HOMER1: variants seen among roughly 807,000 people sequenced by gnomAD.
The protein encoded by HOMER1 is homer protein homolog 1.
In HOMER1, 3 loss-of-function variants were observed where a neutral mutation model predicts 48.9. The observed-to-expected ratio is 0.06, with a 90% CI of 0.03 to 0.16. The LOEUF is 0.16. HOMER1 is among the 10% of genes least tolerant of loss of function. HOMER1 has a pLI of 1.00. For synonymous variants in HOMER1, 134 were observed against 146.4 expected (o/e 0.92, Z 0.61); for missense variants, 247 against 411.4 (o/e 0.60, Z 3.46).
chr5:79,392,954 G>GGAGAGAGAGA (rs3082001), intron 8 of HOMER1, among the ~76,000 whole-genome samples: 2,826 of 140,868 alleles, frequency 0.02, 41 homozygotes, highest in East Asian at 0.044. Context: ...GAAGGGAAAG[G>GGAGAGAGAGA]GAGAGAGAGA....
chr5:79,407,976 C>A (rs1217190501), intron 5 of HOMER1, among the ~76,000 whole-genome samples: 4 of 152,186 alleles, frequency 2.6e-5, no homozygotes, highest in Non-Finnish European at 4.4e-5. Flanking sequence ...AGACCACATT[C>A]ACATAACTTT....
At chr5:79,464,313 TC>T (rs202209202) in intron 1 of HOMER1, among the ~76,000 whole-genome samples, 2 of 152,046 alleles carry the variant, frequency 1.3e-5, no homozygotes, top group East Asian at 3.9e-4. Context: ...GACAAAAACA[TC>T]CCCCTTGATT....
chr5:79,386,428 TAG>T (rs956009320), intron 8 of HOMER1, among the ~76,000 whole-genome samples: 5 of 152,082 alleles, frequency 3.3e-5, no homozygotes, highest in African/African-American at 1.2e-4. Context: ...CTCATGGACA[TAG>T]AGTGTAGAAT....
chr5:79,478,750 G>A (rs1751861472), intron 1 of HOMER1, among the ~76,000 whole-genome samples: 1 of 152,080 alleles, frequency 6.6e-6, no homozygotes, highest in Non-Finnish European at 1.5e-5. Flanking sequence ...TCAGGAGTTC[G>A]AGACCAGCCT....
Position 79,374,852 on chromosome 5 carries a change from T to C in HOMER1, c.*1157A>G, listed in dbSNP as rs1023512713. On this transcript the variant is annotated 3_prime_UTR_variant, in exon 9 of 9. Coordinates refer to ENST00000334082, the MANE Select transcript of HOMER1 (RefSeq NM_004272.5). ...AATTTAATTCCTGTTTTGAAATACC[T>C]AGTTAACAATTCAGAATATTGCCTT... 3.3e-5 allele frequency: 5 copies of C among 152,206 alleles called. No individual in the cohort carries two copies. The highest frequency in any genetic ancestry group is 7.4e-5 in the Non-Finnish European group (5 of 67,936). 9.4% of individuals were successfully genotyped at this position (152,206 alleles called of 1,614,324 possible). A position where few individuals can be genotyped will look rare whatever the true frequency, so the allele number is the denominator to read the frequency against.
intron 1 of HOMER1, among the ~76,000 whole-genome samples, chr5:79,492,900 ACTTTGT>A (rs1489659697): frequency 2.1e-5 from 3 of 146,118 alleles, no homozygotes; most frequent in East Asian, 2.1e-4. Context: ...GAAAACGAAA[ACTTTGT>A]CTTTTTTTTT....
chr5:79,415,873 T>G (rs78323805), intron 5 of HOMER1, among the ~76,000 whole-genome samples: 3,737 of 152,308 alleles, frequency 0.025, 150 homozygotes, highest in African/African-American at 0.084. Context: ...GCTGTAGTCA[T>G]TTAATAGATA....
At chr5:79,378,251 C>T (rs1480233998) in intron 8 of HOMER1, among the ~76,000 whole-genome samples, 1 of 128,498 alleles carries the variant, frequency 7.8e-6, no homozygotes, top group Admixed American at 8.0e-5. Context: ...AGGAAATTGG[C>T]TCAAATACAT....
chr5:79,405,033 G>C, intron 5 of HOMER1, among the ~76,000 whole-genome samples: 1 of 152,028 alleles, frequency 6.6e-6, no homozygotes, highest in Non-Finnish European at 1.5e-5. Flanking sequence ...GATTCTGTGC[G>C]TGAGGCTGAA....
chr5:79,410,489 CAAAAA>C (rs59290866), intron 5 of HOMER1, among the ~76,000 whole-genome samples: 2 of 105,144 alleles, frequency 1.9e-5, no homozygotes, highest in African/African-American at 6.4e-5. Flanking sequence ...AACTCTATCT[CAAAAA>C]AAAAAAAAAA....
Position 79,512,982 on chromosome 5 carries a change from A to G in HOMER1, c.-208T>C, listed in dbSNP as rs1720661194. 1 of 584,314 alleles carries G rather than the reference A, an allele frequency of 1.7e-6. No individual in the cohort carries two copies. The highest frequency in any genetic ancestry group is 2.6e-4 in the Middle Eastern group (1 of 3,814). The allele number at this position is 584,314 out of a possible 1,614,324, so 36.2% of individuals were successfully genotyped here. ...TGTAAATACCAAAACGTTCAAACAG[A>G]GGCGGCATTTGCTTATTCGAGTTAA... On this transcript the variant is annotated 5_prime_UTR_variant, in exon 1 of 9. Transcript: ENST00000334082.
At chr5:79,441,249 A>G (rs1422221405) in intron 4 of HOMER1, among the ~76,000 whole-genome samples, 2 of 152,212 alleles carry the variant, frequency 1.3e-5, no homozygotes, top group Non-Finnish European at 2.9e-5. Context: ...GATTTGCTGG[A>G]ACTGGTTGAC....
chr5:79,429,520 AT>A (rs1292959774), intron 5 of HOMER1, among the ~76,000 whole-genome samples: 1 of 152,200 alleles, frequency 6.6e-6, no homozygotes, highest in Non-Finnish European at 1.5e-5. Flanking sequence ...TTTTCAACAA[AT>A]GGTGCTGGAA....
At chr5:79,438,119 G>GA (rs1469492448) in intron 5 of HOMER1, among the ~76,000 whole-genome samples, 1 of 152,192 alleles carries the variant, frequency 6.6e-6, no homozygotes, top group East Asian at 1.9e-4. Context: ...AAAGAGGGTT[G>GA]AAGAGTATCT....
intron 2 of HOMER1, among the ~76,000 whole-genome samples, chr5:79,452,243 AT>A (rs958299633): frequency 4.6e-5 from 7 of 152,218 alleles, no homozygotes; most frequent in African/African-American, 1.7e-4. Flanking sequence ...AGTGGTATAG[AT>A]TCATGATATT....
chr5:79,430,133 G>C (rs1469440282), intron 5 of HOMER1, among the ~76,000 whole-genome samples: 3 of 151,954 alleles, frequency 2.0e-5, no homozygotes, highest in Non-Finnish European at 4.4e-5. Flanking sequence ...TATCTGGTAG[G>C]AGGTTAATAA....
chr5:79,410,402 A>C (rs1012175614), intron 5 of HOMER1, among the ~76,000 whole-genome samples: 4 of 151,848 alleles, frequency 2.6e-5, no homozygotes, highest in Non-Finnish European at 2.9e-5. Flanking sequence ...GAGGCATGAG[A>C]ATCGCTTGAA....
intron 5 of HOMER1, among the ~76,000 whole-genome samples, chr5:79,425,243 G>A (rs1012694745): frequency 4.0e-5 from 6 of 151,348 alleles, no homozygotes; most frequent in Non-Finnish European, 8.9e-5. Context: ...GGCTGTCTCC[G>A]GAGTAGGAAA....
At chr5:79,453,008 C>T (rs1751071051) in intron 2 of HOMER1, among the ~76,000 whole-genome samples, 1 of 152,036 alleles carries the variant, frequency 6.6e-6, no homozygotes, top group South Asian at 2.1e-4. Context: ...AATTGAGTAC[C>T]TTTTAAATGC....
Sources: gnomAD v4.1 joint callset for allele counts (sites outside exome capture counted in the v4.1 genomes callset) on GRCh38, gnomAD v4.1.1 for gene constraint, MANE v1.5 for transcripts, NCBI Gene and HGNC (gene_info 2026-07-23, HGNC 2026-07-21) for gene names.